Variants in PCCA observed in about 807,000 individuals in gnomAD.
PCCA encodes the protein propionyl-CoA carboxylase alpha chain, mitochondrial.
In PCCA, 74 loss-of-function variants were observed where a neutral mutation model predicts 101.3. The observed-to-expected ratio is 0.73, with a 90% CI of 0.61 to 0.89. The LOEUF is 0.89. Among genes scored for constraint, PCCA ranks in the 40% least tolerant of loss-of-function variants. The pLI, the probability that PCCA is intolerant of heterozygous loss-of-function variation, is 0.00. For synonymous variants in PCCA, 294 were observed against 313.6 expected (o/e 0.94, Z 0.66); for missense variants, 891 against 907.0 (o/e 0.98, Z 0.23).
chr13:100,342,558 G>A (rs1329160934), intron 18 of PCCA, among the ~76,000 whole-genome samples: 2 of 151,526 alleles, frequency 1.3e-5, no homozygotes, highest in East Asian at 4.0e-4. Context: ...ATGAGCCACC[G>A]CGCCCAGCCT....
chr13:100,344,780 T>G (rs2071938905), intron 18 of PCCA, among the ~76,000 whole-genome samples: 1 of 152,224 alleles, frequency 6.6e-6, no homozygotes, highest in African/African-American at 2.4e-5. Context: ...GATTGAAGGT[T>G]TATGGCAACC....
intron 12 of PCCA, among the ~76,000 whole-genome samples, chr13:100,278,937 G>T (rs1178524684): frequency 2.6e-5 from 4 of 152,078 alleles, no homozygotes; most frequent in African/African-American, 9.7e-5. Flanking sequence ...CAAAGATTTT[G>T]TCATATTACC....
intron 4 of PCCA, among the ~76,000 whole-genome samples, chr13:100,147,928 A>G (rs1713941978): frequency 6.6e-6 from 1 of 151,738 alleles, no homozygotes; most frequent in Non-Finnish European, 1.5e-5. Context: ...TATTTTGCTC[A>G]TTTTATTTCA....
intron 12 of PCCA, among the ~76,000 whole-genome samples, chr13:100,282,344 CGG>C (rs2064193668): frequency 6.6e-6 from 1 of 152,246 alleles, no homozygotes; most frequent in Non-Finnish European, 1.5e-5. Context: ...CCAACTTTGG[CGG>C]CACTTGAGGA....
intron 18 of PCCA, among the ~76,000 whole-genome samples, chr13:100,351,626 A>G (rs945336524): frequency 2.6e-5 from 4 of 152,168 alleles, no homozygotes; most frequent in Admixed American, 2.0e-4. Context: ...CTAGAATGAG[A>G]TTAGACATCT....
intron 6 of PCCA, among the ~76,000 whole-genome samples, chr13:100,191,539 A>T (rs2057742238): frequency 6.6e-6 from 1 of 152,216 alleles, no homozygotes; most frequent in African/African-American, 2.4e-5. Flanking sequence ...AAGGCCAACC[A>T]GGTAGTATAT....
At chr13:100,336,930 G>A (rs1427694806) in intron 17 of PCCA, among the ~76,000 whole-genome samples, 1 of 152,178 alleles carries the variant, frequency 6.6e-6, no homozygotes, top group Admixed American at 6.5e-5. Context: ...TGTCCTGCAT[G>A]TGAGGCTGGA....
At chr13:100,182,342 C>T (rs2056879224) in intron 6 of PCCA, among the ~76,000 whole-genome samples, 1 of 152,114 alleles carries the variant, frequency 6.6e-6, no homozygotes, top group Non-Finnish European at 1.5e-5. Flanking sequence ...GGTGATCCTC[C>T]TGCCTCGGCC....
chr13:100,161,899 C>T (rs1247012603), intron 6 of PCCA, among the ~76,000 whole-genome samples: 1 of 152,114 alleles, frequency 6.6e-6, no homozygotes, highest in Non-Finnish European at 1.5e-5. Flanking sequence ...ATTTTGGACA[C>T]AGACCTTTGA....
chr13:100,356,033 G>T (rs761809782), intron 18 of PCCA, among the ~76,000 whole-genome samples: 1 of 152,102 alleles, frequency 6.6e-6, no homozygotes, highest in Non-Finnish European at 1.5e-5. Context: ...AATCTTTTCA[G>T]TAAATTCTGC....
intron 18 of PCCA, among the ~76,000 whole-genome samples, chr13:100,352,978 A>C (rs543059826): frequency 6.6e-6 from 1 of 152,206 alleles, no homozygotes; most frequent in South Asian, 2.1e-4. Flanking sequence ...CAGCCTTCCA[A>C]GTAGCTGGGA....
chr13:100,357,703 G>A (rs1180528574), intron 18 of PCCA, among the ~76,000 whole-genome samples: 1 of 152,200 alleles, frequency 6.6e-6, no homozygotes, highest in Admixed American at 6.5e-5. Flanking sequence ...AACTACACCA[G>A]TGAGATGCAC....
At chr13:100,417,274 G>A (rs78398126) in intron 19 of PCCA, among the ~76,000 whole-genome samples, 1,636 of 152,314 alleles carry the variant, frequency 0.011, 13 homozygotes, top group Middle Eastern at 0.02. Context: ...CCTTGTCCTG[G>A]TTAATTCAAA....
chr13:100,128,313 A>G (rs1317652697), intron 4 of PCCA, among the ~76,000 whole-genome samples: 1 of 152,086 alleles, frequency 6.6e-6, no homozygotes, highest in Non-Finnish European at 1.5e-5. Context: ...GAAGTTTATT[A>G]CTTTGAAGGC....
chr13:100,445,592 C>T (rs1004277910), intron 20 of PCCA, among the ~76,000 whole-genome samples: 5 of 152,084 alleles, frequency 3.3e-5, no homozygotes, highest in South Asian at 2.1e-4. Flanking sequence ...CACCCCCTCC[C>T]CAACCACCAT....
At chr13:100,492,064 A>G (rs2084943979) in intron 21 of PCCA, among the ~76,000 whole-genome samples, 1 of 152,100 alleles carries the variant, frequency 6.6e-6, no homozygotes, top group African/African-American at 2.4e-5. Context: ...ATGGTTCAAT[A>G]TGACTTTTAG....
intron 21 of PCCA, chr13:100,481,090 C>T (rs938347065): frequency 2.6e-5 from 4 of 152,188 alleles, no homozygotes; most frequent in African/African-American, 9.6e-5. Flanking sequence ...TCCTTTTTCA[C>T]AATTTCATGG....
chr13:100,202,389 A>G (rs1461740230), intron 6 of PCCA, among the ~76,000 whole-genome samples: 1 of 152,096 alleles, frequency 6.6e-6, no homozygotes, highest in South Asian at 2.1e-4. Context: ...TTTCTTACTC[A>G]AAAGAGTTTA....
At position 100,209,390 on chromosome 13, in the gene PCCA, A is replaced by G; in HGVS notation, c.527A>G (p.Asp176Gly). Residue 176 changes from aspartate (D) to glycine (G), a missense_variant, in exon 7 of 24, where the codon GAC (aspartate) becomes GGC (glycine). By Grantham distance (94) the Asp-to-Gly change is moderately conservative. Transcript: ENST00000376285. ...ACACATGCTATTCAAGCCATGGGCG[A>G]CAAGATTGAAAGCAAATTATTAGCT... ...PDTHAIQAMG[D>G]KIESKLLAKK... 1 of 1,613,418 alleles carries G rather than the reference A, an allele frequency of 6.2e-7. No homozygotes were observed. The highest frequency in any genetic ancestry group is 8.5e-7 in the Non-Finnish European group (1 of 1,179,344).
Sources: allele counts gnomAD v4.1 joint callset (sites outside exome capture counted in the v4.1 genomes callset), GRCh38; gene constraint gnomAD v4.1.1; transcripts MANE v1.5; gene names NCBI Gene and HGNC (gene_info 2026-07-23, HGNC 2026-07-21).